CACNA2D4: variants seen among roughly 807,000 people sequenced by gnomAD.
CACNA2D4 encodes voltage-dependent calcium channel subunit alpha-2/delta-4.
CACNA2D4 carries 157 observed loss-of-function variants against 163.8 expected under a neutral mutation model. The observed-to-expected ratio is 0.96, with a 90% CI of 0.84 to 1.09. CACNA2D4 has a LOEUF of 1.09. CACNA2D4 is among the 50% of genes least tolerant of loss of function. CACNA2D4 has a pLI of 0.00. For synonymous variants in CACNA2D4, 598 were observed against 586.9 expected, an observed-to-expected ratio of 1.02 and a Z score of -0.27; for missense variants, 1,410 against 1,479.9, an observed-to-expected ratio of 0.95 and a Z score of 0.78.
Position 1,917,354 on chromosome 12 carries a change from G to T in CACNA2D4, c.227+893C>A, listed in dbSNP as rs558215773. Reference sequence around the variant, plus strand: ...ACGATGCTGCCTAATCCACTGGTCAGCAAAGGCTAAGCACAGGCACGGTGT... The same window carrying T: ...ACGATGCTGCCTAATCCACTGGTCATCAAAGGCTAAGCACAGGCACGGTGT... On this transcript the variant is annotated intron_variant, in intron 1 of 37. Coordinates refer to ENST00000382722, the MANE Select transcript of CACNA2D4 (RefSeq NM_172364.5). The surrounding 1 kb of genome is among the most constrained non-coding windows in gnomAD (Gnocchi z 4.3). Among the ~76,000 whole-genome samples the T allele has an allele frequency of 3.3e-5, 5 of 152,334 alleles. No homozygotes were observed. The East Asian group carries it at 9.6e-4, about 29-fold the overall frequency.
intron 26 of CACNA2D4, chr12:1,831,248 C>T (rs1232182521): frequency 6.2e-7 from 1 of 1,613,824 alleles, no homozygotes; most frequent in Middle Eastern, 1.6e-4. Flanking sequence ...GCAATAACAG[C>T]ATCAGGACCC....
At chr12:1,810,241 G>A (rs773872569) in intron 29 of CACNA2D4, 37 bp downstream of exon 29, 47 of 1,553,890 alleles carry the variant, frequency 3.0e-5, no homozygotes, top group East Asian at 2.9e-4. Context: ...TCCTCCTGCC[G>A]CCCTCTCCCC....
intron 19 of CACNA2D4, among the ~76,000 whole-genome samples, chr12:1,859,454 C>T (rs148796524): frequency 2.9e-4 from 44 of 152,284 alleles, no homozygotes; most frequent in African/African-American, 1.0e-3. Context: ...CAGGGCTTTA[C>T]GGAGAAATCA....
chr12:1,817,740 C>A (rs1863925770), intron 26 of CACNA2D4, among the ~76,000 whole-genome samples: 1 of 152,176 alleles, frequency 6.6e-6, no homozygotes, highest in Non-Finnish European at 1.5e-5. Flanking sequence ...CCAGCCTCGG[C>A]CTCCCGAGGT....
chr12:1,838,527 A>G (rs1432667316), intron 26 of CACNA2D4, among the ~76,000 whole-genome samples: 1 of 152,090 alleles, frequency 6.6e-6, no homozygotes, highest in African/African-American at 2.4e-5. Flanking sequence ...CAAAAGAAAA[A>G]TCATAATTGA....
At chr12:1,902,070 G>A (rs753122755) in intron 6 of CACNA2D4, among the ~76,000 whole-genome samples, 8 of 151,900 alleles carry the variant, frequency 5.3e-5, no homozygotes, top group Non-Finnish European at 1.2e-4. Flanking sequence ...ATGCAAATCA[G>A]TCAATATAAT....
chr12:1,892,911 A>G (rs1396664922), intron 6 of CACNA2D4, among the ~76,000 whole-genome samples: 1 of 152,238 alleles, frequency 6.6e-6, no homozygotes, highest in African/African-American at 2.4e-5. Context: ...GTCATTATAT[A>G]ATGACAAAAG....
At chr12:1,847,420 TCA>T in intron 23 of CACNA2D4, among the ~76,000 whole-genome samples, 1 of 152,204 alleles carries the variant, frequency 6.6e-6, no homozygotes, top group Non-Finnish European at 1.5e-5. Context: ...ACTGCCAGGC[TCA>T]GAGGCTGGAC....
At chr12:1,910,176 T>C (rs1009981244) in intron 3 of CACNA2D4, among the ~76,000 whole-genome samples, 1 of 152,224 alleles carries the variant, frequency 6.6e-6, no homozygotes. Context: ...TATGGCTAAG[T>C]GAAAGCAGCC....
At chr12:1,822,073 C>T (rs1864127068) in intron 26 of CACNA2D4, 1 of 152,122 alleles carries the variant, frequency 6.6e-6, no homozygotes, top group Non-Finnish European at 1.5e-5. Flanking sequence ...CCCACCTCCC[C>T]ACCGGCAGAA....
At chr12:1,850,638 C>T (rs1047813855) in intron 23 of CACNA2D4, among the ~76,000 whole-genome samples, 2 of 152,218 alleles carry the variant, frequency 1.3e-5, no homozygotes, top group East Asian at 3.9e-4. Context: ...GGCGCGGTGG[C>T]TCACGCCTGT....
chr12:1,839,012 T>C (rs915955942), intron 26 of CACNA2D4, among the ~76,000 whole-genome samples: 11 of 152,274 alleles, frequency 7.2e-5, no homozygotes, highest in African/African-American at 1.7e-4. Flanking sequence ...CCCGGGCAAT[T>C]TGGCAATGTC....
chr12:1,885,921 C>A lies in CACNA2D4; in HGVS notation c.1068+44G>T, dbSNP rs372220212. ...CAGAGACAACCGCCCACCATCCAGA[C>A]AAGAGCAGGGGCTTGGAAGTCTCAG... On this transcript the variant is annotated intron_variant, in intron 9 of 37. Transcript: ENST00000382722. The A allele has an allele frequency of 4.1e-5, 59 of 1,427,820 alleles. No individual in the cohort carries two copies. In the African/African-American group the frequency reaches 7.6e-4, roughly 18 times the overall value. 88.4% of individuals were successfully genotyped at this position (1,427,820 alleles called of 1,614,324 possible). A position where few individuals can be genotyped will look rare whatever the true frequency, so the allele number is the denominator to read the frequency against.
rs1334659331 is a variant in CACNA2D4, at chr12:1,802,628, T to C, written c.2722-984A>G. On this transcript the variant is annotated intron_variant, in intron 29 of 37. Transcript: ENST00000382722. The surrounding 1 kb of genome is among the most constrained non-coding windows in gnomAD (Gnocchi z 4.7). The stretch of plus-strand genomic sequence containing the variant: ...TTTCGACTTTAATGTAGGCTGTCTT[T>C]AAAAATTGGGGATAGCGTGTGTCCG... 2.0e-5 allele frequency among the ~76,000 whole-genome samples: 3 copies of C among 152,190 alleles called. No individual in the cohort carries two copies. The highest frequency in any genetic ancestry group is 4.4e-5 in the Non-Finnish European group (3 of 68,032).
At position 1,869,592 on chromosome 12, in the gene CACNA2D4, T is replaced by TCATC. The variant is rs1232779515; in HGVS notation, c.1878+5008_1878+5011dup. 6.6e-6 allele frequency among the ~76,000 whole-genome samples: 1 copy of TCATC among 152,250 alleles called. No individual in the cohort carries two copies. ...GTTCGTTCTTGCTTTCTTCCACATC[T>TCATC]CATCCAGCTTTCCTTCCCAACTGCT... On this transcript the variant is annotated intron_variant, in intron 18 of 37. Transcript: ENST00000382722. The surrounding 1 kb of genome is among the most constrained non-coding windows in gnomAD (Gnocchi z 4.7).
chr12:1,917,266 T>C lies in CACNA2D4; in HGVS notation c.227+981A>G, dbSNP rs1298357231. Among the ~76,000 whole-genome samples the C allele has an allele frequency of 1.3e-5, 2 of 152,080 alleles. No individual in the cohort carries two copies. The highest frequency in any genetic ancestry group is 4.8e-5 in the African/African-American group (2 of 41,386). ...ATGGCTCTGCAAACTAACGGTGTCA[T>C]TTGTGAAGCGCCCAGCTCCGTGCCA... On this transcript the variant is annotated intron_variant, in intron 1 of 37. Coordinates refer to ENST00000382722, the MANE Select transcript of CACNA2D4 (RefSeq NM_172364.5). This position sits in a 1 kb window ranked among gnomAD's most constrained non-coding sequence, Gnocchi z 4.3.
chr12:1,841,290 T>C lies in CACNA2D4; in HGVS notation c.2471-471A>G, dbSNP rs1477980427. Among the ~76,000 whole-genome samples the C allele has an allele frequency of 2.6e-5, 4 of 152,328 alleles. No homozygotes were observed. The East Asian group carries it at 5.8e-4, about 22-fold the overall frequency. On this transcript the variant is annotated intron_variant, in intron 25 of 37. Coordinates refer to ENST00000382722, the MANE Select transcript of CACNA2D4 (RefSeq NM_172364.5). Reference sequence around the variant, plus strand: ...GCCAGATGCCACAGCCGAGCCACCATGCGGCCCTGGGCAGCGAGATGACGG... The same window carrying C: ...GCCAGATGCCACAGCCGAGCCACCACGCGGCCCTGGGCAGCGAGATGACGG...
chr12:1,885,581 G>C (rs1866116413), intron 9 of CACNA2D4, among the ~76,000 whole-genome samples: 1 of 152,174 alleles, frequency 6.6e-6, no homozygotes, highest in African/African-American at 2.4e-5. Context: ...TCTTTTACCA[G>C]AGGAAAGGAT....
intron 29 of CACNA2D4, among the ~76,000 whole-genome samples, chr12:1,804,668 C>T (rs1863460589): frequency 6.6e-6 from 1 of 152,236 alleles, no homozygotes; most frequent in South Asian, 2.1e-4. Context: ...GCGGCAGGGA[C>T]TGGCCAATGG....
Sources: gnomAD v4.1 joint callset for allele counts (sites outside exome capture counted in the v4.1 genomes callset) on GRCh38, gnomAD v4.1.1 for gene constraint, Gnocchi (gnomAD v3.1) non-coding constraint, MANE v1.5 for transcripts, NCBI Gene and HGNC (gene_info 2026-07-23, HGNC 2026-07-21) for gene names.